The following ST3GAL3 variants were observed in gnomAD, a reference collection of about 807,000 sequenced individuals.
ST3GAL3 encodes CMP-N-acetylneuraminate-beta-1,4-galactoside alpha-2,3-sialyltransferase.
Under a neutral mutation model 50.1 loss-of-function variants are expected in ST3GAL3, and 21 were observed. That is an observed-to-expected ratio of 0.42 (90% CI 0.30 to 0.60). The LOEUF (loss-of-function observed/expected upper bound fraction) is 0.60, where lower values mean the gene tolerates loss of function less well. ST3GAL3 is among the 20% of genes least tolerant of loss of function. The pLI, the probability that ST3GAL3 is intolerant of heterozygous loss-of-function variation, is 0.19. For missense variants in ST3GAL3, 353 were observed against 489.4 expected, an observed-to-expected ratio of 0.72 and a Z score of 2.63; for synonymous variants, 183 against 190.0, an observed-to-expected ratio of 0.96 and a Z score of 0.30.
chr1:43,792,245 G>A (rs2154152837), intron 3 of ST3GAL3, 96 bp downstream of exon 3: 3 of 1,489,344 alleles, frequency 2.0e-6, no homozygotes, highest in Non-Finnish European at 9.4e-7. Flanking sequence ...GGGGAGGGCA[G>A]TGGAATATCC....
chr1:43,891,975 G>A (rs1267898947), intron 5 of ST3GAL3, among the ~76,000 whole-genome samples: 5 of 152,090 alleles, frequency 3.3e-5, no homozygotes, highest in Admixed American at 6.6e-5. Flanking sequence ...ATGGAGTCTC[G>A]CTCTGTCGCC....
At chr1:43,824,257 T>G (rs1215128219) in intron 4 of ST3GAL3, among the ~76,000 whole-genome samples, 1 of 151,994 alleles carries the variant, frequency 6.6e-6, no homozygotes, top group African/African-American at 2.4e-5. Flanking sequence ...GGTGGCCCCT[T>G]CCTTTATCTA....
intron 2 of ST3GAL3, among the ~76,000 whole-genome samples, chr1:43,760,439 G>A (rs1689836434): frequency 6.6e-6 from 1 of 152,178 alleles, no homozygotes; most frequent in Non-Finnish European, 1.5e-5. Flanking sequence ...CTGTTAGGAT[G>A]TTACAGAATC....
chr1:43,847,007 A>G (rs1375428350), intron 5 of ST3GAL3, among the ~76,000 whole-genome samples: 5 of 152,230 alleles, frequency 3.3e-5, no homozygotes, highest in Non-Finnish European at 7.3e-5. Context: ...ACACTTCTCC[A>G]AAGAAGATAT....
intron 9 of ST3GAL3, among the ~76,000 whole-genome samples, chr1:43,918,574 T>G (rs192931623): frequency 2.0e-5 from 3 of 152,290 alleles, no homozygotes; most frequent in African/African-American, 7.2e-5. Context: ...TGACCCTGTT[T>G]CACTGATCTT....
At chr1:43,925,156 G>T (rs1392036658) in intron 11 of ST3GAL3, among the ~76,000 whole-genome samples, 1 of 152,062 alleles carries the variant, frequency 6.6e-6, no homozygotes, top group Non-Finnish European at 1.5e-5. Flanking sequence ...CAGGCGTGGT[G>T]GTGCATGCCT....
intron 9 of ST3GAL3, chr1:43,900,976 A>G (rs1449865008): frequency 6.6e-6 from 1 of 152,380 alleles, no homozygotes; most frequent in African/African-American, 2.4e-5. Context: ...GCCAGGCCCA[A>G]CTTCAAGCAG....
intron 9 of ST3GAL3, among the ~76,000 whole-genome samples, chr1:43,910,751 G>C (rs1306894162): frequency 6.6e-6 from 1 of 152,356 alleles, no homozygotes; most frequent in South Asian, 2.1e-4. Flanking sequence ...CATTGGCAAA[G>C]AGCATGGTGT....
chr1:43,721,313 T>G (rs1265443603), intron 1 of ST3GAL3, among the ~76,000 whole-genome samples: 1 of 149,170 alleles, frequency 6.7e-6, no homozygotes, highest in African/African-American at 2.5e-5. Flanking sequence ...TTTTTTTTTT[T>G]TTTTTAATGA....
chr1:43,910,799 G>A (rs1371892669), intron 9 of ST3GAL3, among the ~76,000 whole-genome samples: 1 of 152,248 alleles, frequency 6.6e-6, no homozygotes, highest in Non-Finnish European at 1.5e-5. Context: ...TAACCGGGGT[G>A]TGGCATGGGC....
chr1:43,784,325 A>G (rs913959334), intron 2 of ST3GAL3, among the ~76,000 whole-genome samples: 1 of 152,144 alleles, frequency 6.6e-6, no homozygotes, highest in Non-Finnish European at 1.5e-5. Flanking sequence ...CCTGGCCAAC[A>G]TGGTGAAACC....
Position 43,803,170 on chromosome 1 carries a change from C to T in ST3GAL3, c.166+11021C>T, listed in dbSNP as rs936158039. Among the ~76,000 whole-genome samples the T allele has an allele frequency of 3.9e-5, 6 of 152,216 alleles. No homozygotes were observed. In the East Asian group the frequency reaches 7.7e-4, roughly 20 times the overall value. ...TGAACTCCTGACCTTGTGATCCGCC[C>T]GCGTTGGCCTCCCAAAATGCTGGAA... On this transcript the variant is annotated intron_variant, in intron 3 of 11. Transcript: ENST00000347631.
intron 1 of ST3GAL3, among the ~76,000 whole-genome samples, chr1:43,714,714 C>T (rs1666512589): frequency 6.6e-6 from 1 of 152,238 alleles, no homozygotes; most frequent in Non-Finnish European, 1.5e-5. Context: ...ATAATATACT[C>T]ATCAGATGGG....
At position 43,756,591 on chromosome 1, in the gene ST3GAL3, G is replaced by A. The variant is rs143312642; in HGVS notation, c.118+20211G>A. On this transcript the variant is annotated intron_variant, in intron 2 of 11. Coordinates refer to ENST00000347631, the MANE Select transcript of ST3GAL3 (RefSeq NM_006279.5). ...ACGCACACATTAAACAAAATAGAAC[G>A]GTTGCCTTTGCAGGAGGAGAGACAT... is the stretch of plus-strand genomic sequence containing the variant. 1.6e-3 allele frequency among the ~76,000 whole-genome samples: 250 copies of A among 151,994 alleles called. 2 individuals are homozygous for A. Among genetic ancestry groups the A allele is most frequent in the African/African-American group, 5.6e-3 (231 of 41,472 alleles).
At chr1:43,884,550 C>G (rs897086513) in intron 5 of ST3GAL3, among the ~76,000 whole-genome samples, 4 of 152,150 alleles carry the variant, frequency 2.6e-5, no homozygotes, top group Non-Finnish European at 5.9e-5. Flanking sequence ...ACCTATCTCC[C>G]TACGTTATGT....
intron 5 of ST3GAL3, among the ~76,000 whole-genome samples, chr1:43,892,642 A>T (rs2076838779): frequency 6.6e-6 from 1 of 152,236 alleles, no homozygotes; most frequent in Admixed American, 6.5e-5. Context: ...TCTGAATAAA[A>T]AGAAAGCAGA....
intron 3 of ST3GAL3, among the ~76,000 whole-genome samples, chr1:43,813,885 A>ACACACACACACACG (rs1553345555): frequency 2.5e-5 from 1 of 39,594 alleles, no homozygotes; most frequent in African/African-American, 5.1e-5. Flanking sequence ...ACACACACAC[A>ACACACACACACACG]CACACACACG....
At position 43,894,596 on chromosome 1, in the gene ST3GAL3, C is replaced by A; in HGVS notation, c.397+119C>A. The A allele has an allele frequency of 3.3e-6, 3 of 896,030 alleles. No homozygotes were observed. In the South Asian group the frequency reaches 4.0e-5, roughly 12 times the overall value. 55.5% of individuals were successfully genotyped at this position (896,030 alleles called of 1,614,324 possible). A position where few individuals can be genotyped will look rare whatever the true frequency, so the allele number is the denominator to read the frequency against. ...TGAGAATCCACCCTTCCTCTACTCT[C>A]AACAAATCTTCTCTACCTTTTTCCC... On this transcript the variant is annotated intron_variant, in intron 6 of 11. Coordinates refer to ENST00000347631, the MANE Select transcript of ST3GAL3 (RefSeq NM_006279.5).
chr1:43,929,904 G>A, intron 11 of ST3GAL3: 1 of 663,406 alleles, frequency 1.5e-6, no homozygotes, highest in South Asian at 1.5e-5. Flanking sequence ...GAGGAAAGGG[G>A]TATGAAGGTT....
Sources: allele counts gnomAD v4.1 joint callset (sites outside exome capture counted in the v4.1 genomes callset), GRCh38; gene constraint gnomAD v4.1.1; transcripts MANE v1.5; gene names NCBI Gene and HGNC (gene_info 2026-07-23, HGNC 2026-07-21).